Variants in LARP1B observed in about 807,000 individuals in gnomAD.
LARP1B encodes the protein La ribonucleoprotein 1B, also known as la-related protein 1B.
LARP1B carries 76 observed loss-of-function variants against 114.2 expected under a neutral mutation model. The observed-to-expected ratio is 0.67, with a 90% CI of 0.55 to 0.81. The LOEUF (loss-of-function observed/expected upper bound fraction) is 0.81. Ranked by LOEUF, LARP1B falls within the 30% of genes least tolerant of loss-of-function variation. The pLI is 0.00. For synonymous variants in LARP1B, 345 were observed against 348.0 expected (o/e 0.99, Z 0.10); for missense variants, 1,014 against 1,075.8 (o/e 0.94, Z 0.80).
chr4:128,131,309 A>G (rs1024668295), intron 11 of LARP1B, among the ~76,000 whole-genome samples: 4 of 152,176 alleles, frequency 2.6e-5, no homozygotes, highest in Non-Finnish European at 5.9e-5. Flanking sequence ...TTCTAAAAAT[A>G]CCTAAAGAAA....
At chr4:128,071,103 G>C (rs910311881) in intron 1 of LARP1B, among the ~76,000 whole-genome samples, 1 of 151,916 alleles carries the variant, frequency 6.6e-6, no homozygotes, top group African/African-American at 2.4e-5. Context: ...CTGGAGTGCA[G>C]TGGCGTGATC....
chr4:128,098,685 G>A (rs912002191), intron 8 of LARP1B, among the ~76,000 whole-genome samples: 2 of 136,058 alleles, frequency 1.5e-5, no homozygotes, highest in Non-Finnish European at 3.1e-5. Flanking sequence ...GTACAACGGC[G>A]CAATCAAACA....
chr4:128,085,726 A>G (rs1773220345), intron 5 of LARP1B, among the ~76,000 whole-genome samples: 1 of 152,112 alleles, frequency 6.6e-6, no homozygotes, highest in Non-Finnish European at 1.5e-5. Context: ...TTGTCTTTTC[A>G]TCTGTTGATG....
intron 9 of LARP1B, 48 bp from the exon 10 acceptor site, chr4:128,114,522 A>G: frequency 7.3e-7 from 1 of 1,372,894 alleles, no homozygotes; most frequent in Non-Finnish European, 1.0e-6. Flanking sequence ...TTTTGTAAGT[A>G]AGAAAAGCCA....
At chr4:128,168,224 C>A (rs933787095) in intron 12 of LARP1B, among the ~76,000 whole-genome samples, 18 of 151,714 alleles carry the variant, frequency 1.2e-4, no homozygotes, top group Non-Finnish European at 2.9e-5. Context: ...TTCTTACCAA[C>A]AATATATGAG....
chr4:128,112,212 C>T (rs1162179898), intron 9 of LARP1B, among the ~76,000 whole-genome samples: 1 of 151,762 alleles, frequency 6.6e-6, no homozygotes, highest in African/African-American at 2.4e-5. Flanking sequence ...GTATATAACT[C>T]TAAAAATTTT....
At chr4:128,107,790 A>T in intron 9 of LARP1B, 1 of 1,527,892 alleles carries the variant, frequency 6.5e-7, no homozygotes, top group Non-Finnish European at 8.7e-7. Context: ...TTGTGTTTAG[A>T]ATTTCCAAAA....
At chr4:128,077,730 T>G in intron 3 of LARP1B, 58 bp from the exon 4 acceptor site, 1 of 1,445,818 alleles carries the variant, frequency 6.9e-7, no homozygotes, top group Non-Finnish European at 9.1e-7. Flanking sequence ...CACAAATTTT[T>G]GGGTATGTTA....
chr4:128,136,895 C>T, intron 11 of LARP1B, among the ~76,000 whole-genome samples: 1 of 152,076 alleles, frequency 6.6e-6, no homozygotes, highest in Non-Finnish European at 1.5e-5. Flanking sequence ...CCACACTGCA[C>T]CTGGTCAAGC....
chr4:128,104,454 C>CT (rs978497369), intron 8 of LARP1B, among the ~76,000 whole-genome samples: 3 of 151,538 alleles, frequency 2.0e-5, no homozygotes, highest in Admixed American at 6.6e-5. Context: ...TGCTTTCTTC[C>CT]TTTTTTTTGA....
At chr4:128,198,921 A>C (rs1220259474) in intron 15 of LARP1B, among the ~76,000 whole-genome samples, 1 of 152,204 alleles carries the variant, frequency 6.6e-6, no homozygotes, top group African/African-American at 2.4e-5. Context: ...GATTTAGGAG[A>C]TAGATCAAAA....
At chr4:128,107,546 T>C in intron 9 of LARP1B, 6 of 1,374,468 alleles carry the variant, frequency 4.4e-6, no homozygotes, top group South Asian at 1.6e-5. Flanking sequence ...TTAAATTATA[T>C]GTGTACTTTG....
chr4:128,186,099 G>A (rs1049785754), intron 15 of LARP1B, among the ~76,000 whole-genome samples: 4 of 152,140 alleles, frequency 2.6e-5, no homozygotes, highest in Admixed American at 2.6e-4. Context: ...ATATTTTGAA[G>A]TTGGGTAGTG....
chr4:128,121,867 T>G lies in LARP1B; in HGVS notation c.1203T>G (p.Cys401Trp), dbSNP rs760887185. ...CTGAAGGGTCATTAAATCAGCTATG[T>G]TCTTCAGAAGAACCAGAACAAGAAG... ...SVPEGSLNQL[C>W]SSEEPEQEEL... The change falls in exon 11 of 20, where the codon TGT becomes TGG. Residue 401 changes from cysteine to tryptophan, a missense_variant. Transcript: ENST00000326639. 12 of 1,609,340 alleles carry G rather than the reference T, an allele frequency of 7.5e-6. No homozygotes were observed. The African/African-American group carries it at 1.2e-4, about 16-fold the overall frequency.
intron 5 of LARP1B, among the ~76,000 whole-genome samples, chr4:128,089,322 T>C (rs1580159582): frequency 6.6e-6 from 1 of 152,306 alleles, no homozygotes; most frequent in East Asian, 1.9e-4. Context: ...TTCAACCTCA[T>C]TAGCAATATA....
At chr4:128,069,491 A>T (rs889597987) in intron 1 of LARP1B, 3 of 752,134 alleles carry the variant, frequency 4.0e-6, no homozygotes, top group Non-Finnish European at 7.3e-6. Flanking sequence ...GGTGCGCTTT[A>T]TCAAGCCAGA....
intron 7 of LARP1B, 52 bp from the exon 8 acceptor site, chr4:128,098,134 A>C: frequency 7.2e-7 from 1 of 1,397,192 alleles, no homozygotes; most frequent in Non-Finnish European, 1.0e-6. Context: ...GAGCAATAGA[A>C]ATATTTATTT....
rs929932293 is a variant in LARP1B at position 128,210,331 on chromosome 4, C to T, written c.*278C>T. 8.7e-5 allele frequency: 101 copies of T among 1,157,210 alleles called. No individual in the cohort carries two copies. The highest frequency in any genetic ancestry group is 1.0e-4 in the Non-Finnish European group (98 of 937,792). The allele number at this position is 1,157,210 out of a possible 1,614,324, so 71.7% of individuals were successfully genotyped here. ...AGATCTTCTAGTAATGTATTTTGAT[C>T]TCAGATTTCTTTTTCAAAGCCATGG... On this transcript the variant is annotated 3_prime_UTR_variant, in exon 20 of 20. Coordinates refer to ENST00000326639, the MANE Select transcript of LARP1B (RefSeq NM_018078.4).
intron 12 of LARP1B, among the ~76,000 whole-genome samples, chr4:128,170,946 A>G (rs1743403759): frequency 7.6e-6 from 1 of 131,316 alleles, no homozygotes; most frequent in Admixed American, 8.0e-5. Flanking sequence ...TTTCCATTAC[A>G]TTTTAATTTA....
Sources: allele counts gnomAD v4.1 joint callset (sites outside exome capture counted in the v4.1 genomes callset), GRCh38; gene constraint gnomAD v4.1.1; transcripts MANE v1.5; gene names NCBI Gene and HGNC (gene_info 2026-07-23, HGNC 2026-07-21).